Variants in IFT122 observed in about 807,000 individuals in gnomAD.
The protein encoded by IFT122 is intraflagellar transport protein 122 homolog.
Under a neutral mutation model 161.6 loss-of-function variants are expected in IFT122, and 118 were observed. That is an observed-to-expected ratio of 0.73 (90% CI 0.63 to 0.85). The LOEUF (loss-of-function observed/expected upper bound fraction) is 0.85. Among genes scored for constraint, IFT122 ranks in the 40% least tolerant of loss-of-function variants. IFT122 has a pLI of 0.00. For synonymous variants in IFT122, 550 were observed against 602.4 expected, an observed-to-expected ratio of 0.91 and a Z score of 1.27; for missense variants, 1,381 against 1,579.6, an observed-to-expected ratio of 0.87 and a Z score of 2.13.
At chr3:129,472,791 C>T (rs373537903) in intron 9 of IFT122, among the ~76,000 whole-genome samples, 13 of 152,218 alleles carry the variant, frequency 8.5e-5, no homozygotes, top group South Asian at 8.3e-4. Flanking sequence ...TCCCTCTGAT[C>T]TTCAGATTAG....
At chr3:129,440,392 C>G (rs1450091788) in intron 1 of IFT122, 21 bp downstream of exon 1, 9 of 1,549,740 alleles carry the variant, frequency 5.8e-6, no homozygotes, top group East Asian at 2.4e-5. Context: ...GGGCGGTTCG[C>G]GAAGAGCAGG....
chr3:129,502,578 A>AT (rs1431145125), intron 19 of IFT122, 133 bp from the exon 20 acceptor site: 1 of 1,014,926 alleles, frequency 9.9e-7, no homozygotes, highest in Non-Finnish European at 1.5e-6. Context: ...CATGCATTTA[A>AT]TAACTACCCA....
At chr3:129,514,320 C>T in intron 24 of IFT122, 69 bp from the exon 25 acceptor site, 1 of 1,563,620 alleles carries the variant, frequency 6.4e-7, no homozygotes, top group Non-Finnish European at 8.7e-7. Flanking sequence ...GGGGCTCACT[C>T]CAAGGACAGG....
chr3:129,455,348 T>C (rs1157179199), intron 3 of IFT122, among the ~76,000 whole-genome samples: 1 of 152,054 alleles, frequency 6.6e-6, no homozygotes, highest in East Asian at 1.9e-4. Flanking sequence ...AATTTTTGTA[T>C]TTTCAGTAGA....
chr3:129,515,589 C>T lies in IFT122; in HGVS notation c.3255C>T (p.Ala1085=), dbSNP rs768877140. 16 of 1,488,356 alleles carry T rather than the reference C, an allele frequency of 1.1e-5. No individual in the cohort carries two copies. The highest frequency in any genetic ancestry group is 1.5e-5 in the Non-Finnish European group (16 of 1,068,626). 92.2% of individuals were successfully genotyped at this position (1,488,356 alleles called of 1,614,324 possible). ...GCCGCCAGCCCTTCATCTTCTCCGC[C>T]TCTTCCTACGGTGAGTCCCTGCATC... ...INCRQPFIFS[A]SSYDVLHLVE... Residue 1085 remains alanine, a synonymous_variant, in exon 26 of 30, where the codon GCC becomes GCT. Coordinates refer to ENST00000348417, the MANE Select transcript of IFT122 (RefSeq NM_052989.3).
chr3:129,444,900 C>T (rs2073797974), intron 1 of IFT122, among the ~76,000 whole-genome samples: 1 of 152,132 alleles, frequency 6.6e-6, no homozygotes, highest in Non-Finnish European at 1.5e-5. Context: ...GTCAACAGAG[C>T]CATATTAAAA....
chr3:129,455,423 G>T (rs1047523316), intron 3 of IFT122, among the ~76,000 whole-genome samples: 1 of 151,870 alleles, frequency 6.6e-6, no homozygotes. Flanking sequence ...CGCCCACCTC[G>T]GCCTCCCAAA....
intron 5 of IFT122, among the ~76,000 whole-genome samples, chr3:129,462,347 C>T (rs1462713734): frequency 6.6e-6 from 1 of 152,192 alleles, no homozygotes; most frequent in Non-Finnish European, 1.5e-5. Flanking sequence ...TTGCAGTGTG[C>T]TAGGCACTGT....
At position 129,479,827 on chromosome 3, in the gene IFT122, C is replaced by T. The variant is rs199672717; in HGVS notation, c.1393C>T (p.Arg465Trp). ...QCLSFSGVKE[R>W]EWQMESLIRY... ...CCTGTCCTTCAGCGGAGTGAAGGAG[C>T]GGGAGTGGCAGATGGAGTCTCTCAT... Residue 465 changes from arginine (R) to tryptophan (W), a missense_variant, in exon 13 of 30, where the codon CGG (arginine) becomes TGG (tryptophan). This residue lies in a region of IFT122 where 544 missense variants were observed against 648.0 expected (regional missense o/e 0.84). Coordinates refer to ENST00000348417, the MANE Select transcript of IFT122 (RefSeq NM_052989.3). The T allele has an allele frequency of 5.0e-6, 8 of 1,613,768 alleles. No individual in the cohort carries two copies. The highest frequency in any genetic ancestry group is 1.7e-5 in the Admixed American group (1 of 59,986).
intron 1 of IFT122, among the ~76,000 whole-genome samples, chr3:129,445,108 T>C (rs2073825497): frequency 6.6e-6 from 1 of 152,098 alleles, no homozygotes. Context: ...GATGGATCAC[T>C]TGAGGTCAGG....
At chr3:129,463,498 C>G (rs1204843242) in intron 5 of IFT122, 62 bp from the exon 6 acceptor site, 5 of 1,321,868 alleles carry the variant, frequency 3.8e-6, no homozygotes, top group Non-Finnish European at 5.5e-6. Context: ...TTATTTGTTC[C>G]TTTTTATTGC....
At chr3:129,446,831 T>C (rs909796404) in intron 1 of IFT122, among the ~76,000 whole-genome samples, 5 of 152,230 alleles carry the variant, frequency 3.3e-5, no homozygotes, top group Admixed American at 3.3e-4. Flanking sequence ...GTTTATCCCA[T>C]GCTAAACTTT....
intron 15 of IFT122, chr3:129,487,617 A>T (rs1413926123): frequency 6.2e-6 from 1 of 161,348 alleles, no homozygotes; most frequent in East Asian, 1.8e-4. Context: ...AACTTGGAGC[A>T]AATCACTTAC....
At position 129,483,476 on chromosome 3, in the gene IFT122, G is replaced by C; in HGVS notation, c.1654-9G>C. ...TTCTCACAGGATCCCCACTGTCCCTGTTCCCCAGGAACCAAACGCCAACAG... is the reference window on the plus strand; with the variant it reads ...TTCTCACAGGATCCCCACTGTCCCTCTTCCCCAGGAACCAAACGCCAACAG... On this transcript the variant is annotated splice_polypyrimidine_tract_variant and intron_variant, in intron 14 of 29. Coordinates refer to ENST00000348417, the MANE Select transcript of IFT122 (RefSeq NM_052989.3). 1 of 1,613,838 alleles carries C rather than the reference G, an allele frequency of 6.2e-7. No homozygotes were observed. Among genetic ancestry groups the C allele is most frequent in the Non-Finnish European group, 8.5e-7 (1 of 1,179,906 alleles).
chr3:129,517,341 C>G (rs1395271097), intron 26 of IFT122, 128 bp from the exon 27 acceptor site: 2 of 1,182,566 alleles, frequency 1.7e-6, no homozygotes, highest in African/African-American at 1.5e-5. Flanking sequence ...ACTGCCCCTG[C>G]TGCCTCTTCT....
intron 5 of IFT122, among the ~76,000 whole-genome samples, chr3:129,462,220 C>T (rs1176892772): frequency 6.6e-6 from 1 of 152,100 alleles, no homozygotes; most frequent in Non-Finnish European, 1.5e-5. Flanking sequence ...GGTCTGTGTG[C>T]TTACACTGGA....
intron 14 of IFT122, among the ~76,000 whole-genome samples, chr3:129,482,245 G>A (rs1273138998): frequency 2.0e-5 from 3 of 152,242 alleles, no homozygotes; most frequent in Admixed American, 6.5e-5. Flanking sequence ...GGTTGTAGGC[G>A]TTGTTCAGTG....
intron 20 of IFT122, 88 bp downstream of exon 20, chr3:129,502,970 A>T: frequency 7.7e-7 from 1 of 1,306,278 alleles, no homozygotes; most frequent in South Asian, 1.3e-5. Context: ...TGGGGTTCAG[A>T]TGGAGAGAAG....
At chr3:129,442,941 T>C (rs2073460818) in intron 1 of IFT122, among the ~76,000 whole-genome samples, 1 of 152,202 alleles carries the variant, frequency 6.6e-6, no homozygotes, top group African/African-American at 2.4e-5. Context: ...AACTCCCTAG[T>C]TTTCTCCTTT....
Sources: gnomAD v4.1 joint callset for allele counts (sites outside exome capture counted in the v4.1 genomes callset) on GRCh38, gnomAD v4.1.1 for gene constraint, gnomAD v4.1.1 regional missense constraint, MANE v1.5 for transcripts, NCBI Gene and HGNC (gene_info 2026-07-23, HGNC 2026-07-21) for gene names.